Variants in IL2 observed in about 807,000 individuals in gnomAD.
IL2 encodes interleukin-2.
A neutral mutation model predicts 14.6 loss-of-function variants in IL2; 3 were observed. The ratio of observed to expected loss-of-function variants is 0.21; its 90% CI spans 0.09 to 0.53. The LOEUF (loss-of-function observed/expected upper bound fraction) is 0.53, where lower values mean the gene tolerates loss of function less well. Among genes scored for constraint, IL2 ranks in the 20% least tolerant of loss-of-function variants. The probability of loss-of-function intolerance (pLI) is 0.95; values close to 1 mark genes in which losing one functional copy is unlikely to be tolerated. For synonymous variants in IL2, 71 were observed against 60.0 expected (o/e 1.18, Z -0.85); for missense variants, 125 against 170.8 (o/e 0.73, Z 1.50).
intron 2 of IL2, among the ~76,000 whole-genome samples, chr4:122,454,979 C>G (rs1021406323): frequency 6.6e-6 from 1 of 151,598 alleles, no homozygotes; most frequent in Non-Finnish European, 1.5e-5. Flanking sequence ...TCTACAAATT[C>G]GGGTTTAAGT....
At position 122,456,318 on chromosome 4, in the gene IL2, T is replaced by C. The variant is rs775838662; in HGVS notation, c.123A>G (p.Leu41=). The change falls in exon 1 of 4, where the codon TTA becomes TTG. Residue 41 remains leucine, a synonymous_variant. Transcript: ENST00000226730. ...CATTAATTCCATTCAAAATCATCTG[T>C]AAATCCAGCAGTAAATGCTCCAGTT... ...QLQLEHLLLD[L]QMILNGINNY... 3.1e-6 allele frequency: 5 copies of C among 1,610,896 alleles called. No individual in the cohort carries two copies. The highest frequency in any genetic ancestry group is 4.2e-6 in the Non-Finnish European group (5 of 1,177,650).
chr4:122,453,737 ATTGCTGATTAAG>A lies in IL2; in HGVS notation c.312_323del (p.Leu105_Asn108del). The A allele has an allele frequency of 6.2e-7, 1 of 1,610,334 alleles. No homozygotes were observed. The highest frequency in any genetic ancestry group is 8.5e-7 in the Non-Finnish European group (1 of 1,177,972). ...TTAGTTCCAGAACTATTACGTTGATATTGCTGATTAAGTCCCTGGGTCTTAAGTGAAAGTTTT... is the reference window on the plus strand; with the variant it reads ...TTAGTTCCAGAACTATTACGTTGATATCCCTGGGTCTTAAGTGAAAGTTTT... On this transcript the variant is annotated inframe_deletion, in exon 3 of 4. Transcript: ENST00000226730.
chr4:122,453,037 AT>A (rs1371630850), intron 3 of IL2, among the ~76,000 whole-genome samples: 9 of 151,914 alleles, frequency 5.9e-5, no homozygotes, highest in Non-Finnish European at 1.0e-4. Context: ...TTTTACTACT[AT>A]ACTTATGCTG....
intron 3 of IL2, among the ~76,000 whole-genome samples, chr4:122,452,551 T>A (rs1797686970): frequency 6.6e-6 from 1 of 151,980 alleles, no homozygotes; most frequent in East Asian, 1.9e-4. Flanking sequence ...AGGAGCTATT[T>A]AAACGCTTCC....
At chr4:122,455,321 C>A (rs1433002758) in intron 2 of IL2, among the ~76,000 whole-genome samples, 1 of 151,824 alleles carries the variant, frequency 6.6e-6, no homozygotes, top group Non-Finnish European at 1.5e-5. Flanking sequence ...AGCCTAGGAG[C>A]TTGGATGATT....
At chr4:122,454,966 A>G (rs1362243743) in intron 2 of IL2, among the ~76,000 whole-genome samples, 1 of 151,694 alleles carries the variant, frequency 6.6e-6, no homozygotes, top group African/African-American at 2.4e-5. Context: ...CACCACTACA[A>G]ATTCTACAAA....
chr4:122,455,903 C>A (rs1263117418), intron 2 of IL2, among the ~76,000 whole-genome samples: 2 of 151,686 alleles, frequency 1.3e-5, no homozygotes, highest in Non-Finnish European at 2.9e-5. Flanking sequence ...ATTGTCTTAT[C>A]GATAAAGTGA....
intron 2 of IL2, among the ~76,000 whole-genome samples, 190 bp from the exon 3 acceptor site, chr4:122,454,043 T>C (rs1475558382): frequency 6.6e-6 from 1 of 151,888 alleles, no homozygotes; most frequent in African/African-American, 2.4e-5. Flanking sequence ...TACCTATGAC[T>C]AGCGTTAAGT....
At chr4:122,454,891 T>C (rs755469523) in intron 2 of IL2, among the ~76,000 whole-genome samples, 6 of 151,852 alleles carry the variant, frequency 4.0e-5, no homozygotes, top group Non-Finnish European at 5.9e-5. Context: ...TAACACTCTT[T>C]AGTGGGAAAG....
At chr4:122,453,956 T>C in intron 2 of IL2, 103 bp from the exon 3 acceptor site, 2 of 982,008 alleles carry the variant, frequency 2.0e-6, no homozygotes, top group South Asian at 3.6e-5. Flanking sequence ...TTTTTACCAT[T>C]CTCTCTGTTC....
intron 2 of IL2, among the ~76,000 whole-genome samples, chr4:122,455,580 T>C (rs1375565194): frequency 3.3e-5 from 5 of 151,900 alleles, no homozygotes; most frequent in African/African-American, 1.2e-4. Context: ...CACAAAGCCA[T>C]ATTAAGTATA....
At chr4:122,453,942 G>T in intron 2 of IL2, 89 bp from the exon 3 acceptor site, 1 of 1,174,594 alleles carries the variant, frequency 8.5e-7, no homozygotes, top group Non-Finnish European at 1.2e-6. Flanking sequence ...GTAGCAGTAT[G>T]TAGTTTTTAC....
chr4:122,452,970 A>G (rs910549333), intron 3 of IL2, among the ~76,000 whole-genome samples: 3 of 151,938 alleles, frequency 2.0e-5, no homozygotes, highest in Non-Finnish European at 4.4e-5. Context: ...TTCAACTGAA[A>G]CAGTCCACTA....
At position 122,456,664 on chromosome 4, in the gene IL2, A is replaced by G. The variant is rs1207757095; in HGVS notation, c.-224T>C. The G allele has an allele frequency of 9.5e-6, 4 of 419,350 alleles. No individual in the cohort carries two copies. The highest frequency in any genetic ancestry group is 1.7e-5 in the Non-Finnish European group (4 of 235,790). 26.0% of individuals were successfully genotyped at this position (419,350 alleles called of 1,614,324 possible). Reference sequence around the variant, plus strand: ...TTGGAATTTCTTTAAACCCCCAAAGACTGACTGAATGGATGTAGGTGAAAT... The same window carrying G: ...TTGGAATTTCTTTAAACCCCCAAAGGCTGACTGAATGGATGTAGGTGAAAT... On this transcript the variant is annotated 5_prime_UTR_variant, in exon 1 of 4. Coordinates refer to ENST00000226730, the MANE Select transcript of IL2 (RefSeq NM_000586.4).
chr4:122,453,038 T>C (rs1396653790), intron 3 of IL2, among the ~76,000 whole-genome samples: 1 of 151,952 alleles, frequency 6.6e-6, no homozygotes, highest in African/African-American at 2.4e-5. Flanking sequence ...TTTACTACTA[T>C]ACTTATGCTG....
rs1797702855 is a variant in IL2, at chr4:122,453,892, G to A, written c.208-39C>T. On this transcript the variant is annotated intron_variant, in intron 2 of 3. Coordinates refer to ENST00000226730, the MANE Select transcript of IL2 (RefSeq NM_000586.4). Reference sequence around the variant, plus strand: ...TATCATCAGCTCAGTTTACATAGAGGTCAGAATCAGAAATTAATTTCCAAT... The same window carrying A: ...TATCATCAGCTCAGTTTACATAGAGATCAGAATCAGAAATTAATTTCCAAT... The A allele has an allele frequency of 3.9e-6, 6 of 1,536,434 alleles. No homozygotes were observed. The Admixed American group carries it at 1.3e-4, about 32-fold the overall frequency.
At chr4:122,453,660 C>A in intron 3 of IL2, 50 bp downstream of exon 3, 2 of 1,441,820 alleles carry the variant, frequency 1.4e-6, no homozygotes, top group Non-Finnish European at 1.9e-6. Flanking sequence ...TACTTTTCCC[C>A]CTACTTTTTT....
rs1213693379 is a variant in IL2 at position 122,456,425 on chromosome 4, G to A, written c.16C>T (p.Leu6Phe). The A allele has an allele frequency of 1.9e-6, 3 of 1,610,920 alleles. No individual in the cohort carries two copies. The highest frequency in any genetic ancestry group is 2.5e-6 in the Non-Finnish European group (3 of 1,177,936). The change falls in exon 1 of 4, where the codon CTC (leucine) becomes TTC (phenylalanine). Residue 6 changes from leucine to phenylalanine, a missense_variant. Physicochemically the swap from Leu to Phe is conservative, Grantham distance 22. Transcript: ENST00000226730. MYRMQ[L>F]LSCIALSLAL... ...AGACTTAGTGCAATGCAAGACAGGA[G>A]TTGCATCCTGTACATTGTGGCAGGA...
intron 2 of IL2, among the ~76,000 whole-genome samples, chr4:122,454,450 T>C (rs914245544): frequency 1.3e-5 from 2 of 151,814 alleles, no homozygotes; most frequent in Non-Finnish European, 2.9e-5. Context: ...CCCAGTGAAA[T>C]AAAAAATTAT....
Sources: gnomAD v4.1 joint callset for allele counts (sites outside exome capture counted in the v4.1 genomes callset) on GRCh38, gnomAD v4.1.1 for gene constraint, MANE v1.5 for transcripts, NCBI Gene and HGNC (gene_info 2026-07-23, HGNC 2026-07-21) for gene names.